TNS1: variants seen among roughly 807,000 people sequenced by gnomAD.
TNS1 encodes the protein tensin-1.
In TNS1, 62 loss-of-function variants were observed where a neutral mutation model predicts 168.6. The ratio of observed to expected loss-of-function variants is 0.37; its 90% confidence interval spans 0.30 to 0.45. TNS1 has a LOEUF of 0.45. TNS1 is among the 20% of genes least tolerant of loss of function. The probability of loss-of-function intolerance (pLI) is 1.00; values close to 1 mark genes in which losing one functional copy is unlikely to be tolerated. For missense variants in TNS1, 2,240 were observed against 2,339.4 expected (o/e 0.96, Z 0.88); for synonymous variants, 934 against 933.2 (o/e 1.00, Z -0.02).
chr2:218,002,031 G>A (rs1355718356), intron 1 of TNS1, among the ~76,000 whole-genome samples: 4 of 152,186 alleles, frequency 2.6e-5, no homozygotes, highest in Non-Finnish European at 5.9e-5. Flanking sequence ...CTCTGAGGAA[G>A]GGGTCCTCTC....
chr2:217,864,121 G>C (rs575437658), intron 18 of TNS1, among the ~76,000 whole-genome samples: 2 of 152,350 alleles, frequency 1.3e-5, no homozygotes, highest in South Asian at 4.1e-4. Context: ...TACTCAGGAA[G>C]GGAATTGTCA....
chr2:217,923,794 C>T (rs114952420), intron 3 of TNS1, among the ~76,000 whole-genome samples: 2 of 152,208 alleles, frequency 1.3e-5, no homozygotes, highest in African/African-American at 4.8e-5. Context: ...AGCACTGCAG[C>T]AGAGCAGTCT....
chr2:218,024,921 T>C (rs1300572677), intron 1 of TNS1, among the ~76,000 whole-genome samples: 1 of 152,064 alleles, frequency 6.6e-6, no homozygotes, highest in African/African-American at 2.4e-5. Context: ...AGCCCCCTAG[T>C]CCAAGCAGCA....
rs764485737 is a variant in TNS1, at chr2:217,809,908, A to G, written c.5188T>C (p.Leu1730=). 1 of 1,613,702 alleles carries G rather than the reference A, an allele frequency of 6.2e-7. No individual in the cohort carries two copies. Among genetic ancestry groups the G allele is most frequent in the Admixed American group, 1.7e-5 (1 of 59,992 alleles). Reference sequence around the variant, plus strand: ...GCAGCTGGCGTGGGGTCTGCAGCCAACGTCTCAGATGTGGCTTTAGAGATG... The same window carrying G: ...GCAGCTGGCGTGGGGTCTGCAGCCAGCGTCTCAGATGTGGCTTTAGAGATG... The part of the protein sequence containing the change: ...QAISKATSET[L]AADPTPAATI... The change falls in exon 30 of 33, where the codon TTG becomes CTG. Residue 1730 remains leucine (L), a synonymous_variant. Coordinates refer to ENST00000682258, the MANE Select transcript of TNS1 (RefSeq NM_001387777.1).
intron 19 of TNS1, among the ~76,000 whole-genome samples, chr2:217,843,946 G>A (rs573298419): frequency 2.4e-4 from 36 of 152,014 alleles, no homozygotes; most frequent in Non-Finnish European, 5.3e-4. Flanking sequence ...CCAAAGTTCA[G>A]CTGCCTTCCA....
At chr2:217,944,734 A>G (rs889629259) in intron 3 of TNS1, among the ~76,000 whole-genome samples, 1 of 152,230 alleles carries the variant, frequency 6.6e-6, no homozygotes, top group Non-Finnish European at 1.5e-5. Flanking sequence ...AAATGGATCA[A>G]AAAATAAGAT....
chr2:217,802,556 G>C lies in TNS1; in HGVS notation c.*1903C>G, dbSNP rs1044352685. On this transcript the variant is annotated 3_prime_UTR_variant, in exon 33 of 33. Transcript: ENST00000682258. ...CCCCTGGCTTGCTGAAAAGTAAGGGGGCCAAAGGCTGGGACATGTGCAACC... is the reference window on the plus strand; with the variant it reads ...CCCCTGGCTTGCTGAAAAGTAAGGGCGCCAAAGGCTGGGACATGTGCAACC... 1 of 152,250 alleles carries C rather than the reference G, an allele frequency of 6.6e-6. No homozygotes were observed. The highest frequency in any genetic ancestry group is 1.5e-5 in the Non-Finnish European group (1 of 68,088). 9.4% of individuals were successfully genotyped at this position (152,250 alleles called of 1,614,324 possible).
intron 3 of TNS1, among the ~76,000 whole-genome samples, chr2:217,966,645 G>C (rs1418495283): frequency 6.6e-6 from 1 of 152,200 alleles, no homozygotes; most frequent in Non-Finnish European, 1.5e-5. Context: ...AGTCAAACTT[G>C]ACAGGGCAGG....
intron 4 of TNS1, among the ~76,000 whole-genome samples, chr2:217,918,844 C>A (rs760533372): frequency 6.6e-6 from 1 of 152,112 alleles, no homozygotes; most frequent in Non-Finnish European, 1.5e-5. Context: ...CTCCACCCCC[C>A]AGCCCCCGCT....
At chr2:217,852,534 A>G (rs1413119019) in intron 18 of TNS1, among the ~76,000 whole-genome samples, 1 of 152,174 alleles carries the variant, frequency 6.6e-6, no homozygotes, top group African/African-American at 2.4e-5. Context: ...ATGGGGGCAA[A>G]TTCAAATCAG....
chr2:217,934,415 G>T (rs1189551068), intron 3 of TNS1, among the ~76,000 whole-genome samples: 1 of 152,144 alleles, frequency 6.6e-6, no homozygotes, highest in African/African-American at 2.4e-5. Context: ...AATTTCCGGA[G>T]CCCCAGACAG....
rs574247610 is a variant in TNS1, at chr2:217,915,149, GGTCGGAGTTCAGGCT to G, written c.228+5031_228+5045del. ...CAGTGCCTTGGGATGAAATGCATCG[GGTCGGAGTTCAGGCT>G]GACTGAAGTGACTGCACATCACCCT... On this transcript the variant is annotated intron_variant, in intron 4 of 32. Coordinates refer to ENST00000682258, the MANE Select transcript of TNS1 (RefSeq NM_001387777.1). Among the ~76,000 whole-genome samples the G allele has an allele frequency of 1.3e-4, 20 of 152,302 alleles. No homozygotes were observed. In the East Asian group the frequency reaches 3.3e-3, roughly 25 times the overall value.
rs768789067 is a variant in TNS1 at position 217,893,486 on chromosome 2, T to C, written c.670A>G (p.Thr224Ala). 8 of 1,613,128 alleles carry C rather than the reference T, an allele frequency of 5.0e-6. No homozygotes were observed. The highest frequency in any genetic ancestry group is 6.8e-6 in the Non-Finnish European group (8 of 1,179,396). Residue 224 changes from threonine (T) to alanine (A), a missense_variant, in exon 10 of 33, where the codon ACA becomes GCA. Thr to Ala is a moderately conservative substitution (Grantham distance 58). This residue lies in a region of TNS1 where 2,131 missense variants were observed against 2,171.2 expected (regional missense o/e 0.98). Transcript: ENST00000682258. ...TTGTGAGGGTCTGCATTGAGCCATG[T>C]GTCCATGGCCTTACAGATGCTGCAG... is the stretch of plus-strand genomic sequence containing the variant. ...KICSICKAMDTWLNADPHNVV... is the reference protein window; with the variant it reads ...KICSICKAMDAWLNADPHNVV...
intron 20 of TNS1, 31 bp downstream of exon 20, chr2:217,835,984 C>T: frequency 6.3e-7 from 1 of 1,585,844 alleles, no homozygotes. Flanking sequence ...CACTACCCTC[C>T]ATAGCCCCAA....
intron 3 of TNS1, among the ~76,000 whole-genome samples, chr2:217,947,759 C>A (rs921774755): frequency 1.3e-5 from 2 of 152,156 alleles, no homozygotes; most frequent in African/African-American, 2.4e-5. Flanking sequence ...TTTCCCTGGC[C>A]TCTCAGCCCC....
chr2:217,843,092 G>C (rs1322356968), intron 19 of TNS1, among the ~76,000 whole-genome samples: 1 of 150,924 alleles, frequency 6.6e-6, no homozygotes, highest in African/African-American at 2.4e-5. Context: ...TCGAATGATT[G>C]AATGAGCCTT....
intron 3 of TNS1, among the ~76,000 whole-genome samples, chr2:217,932,449 C>T (rs73078384): frequency 0.022 from 3,344 of 152,260 alleles, 129 homozygotes; most frequent in African/African-American, 0.074. Flanking sequence ...GTCTGGGATA[C>T]AGAATATGCT....
At chr2:217,979,804 C>T (rs1957995492) in intron 2 of TNS1, among the ~76,000 whole-genome samples, 2 of 152,102 alleles carry the variant, frequency 1.3e-5, no homozygotes, top group African/African-American at 4.8e-5. Flanking sequence ...GGTTAGAGAA[C>T]TGGGGAGGGG....
chr2:217,952,611 C>T (rs1200223144), intron 3 of TNS1, among the ~76,000 whole-genome samples: 1 of 152,216 alleles, frequency 6.6e-6, no homozygotes, highest in Non-Finnish European at 1.5e-5. Context: ...AGATGGCAGT[C>T]CCCAACCTCC....
Sources: gnomAD v4.1 joint callset for allele counts (sites outside exome capture counted in the v4.1 genomes callset) on GRCh38, gnomAD v4.1.1 for gene constraint, gnomAD v4.1.1 regional missense constraint, MANE v1.5 for transcripts, NCBI Gene and HGNC (gene_info 2026-07-23, HGNC 2026-07-21) for gene names.